Variants in SPRR2G observed in about 807,000 individuals in gnomAD.
The protein encoded by SPRR2G is small proline-rich protein 2G.
SPRR2G carries 1 observed loss-of-function variant against 0.7 expected under a neutral mutation model. The observed-to-expected ratio is 1.49, with a 90% confidence interval of 0.53 to 7.06. The LOEUF is 7.06. Ranked by LOEUF, SPRR2G falls within the 30% of genes most tolerant of loss-of-function variation. The pLI, the probability that SPRR2G is intolerant of heterozygous loss-of-function variation, is 0.14. For missense variants in SPRR2G, 96 were observed against 88.5 expected (o/e 1.09, Z -0.34); for synonymous variants, 38 against 33.9 (o/e 1.12, Z -0.42).
the SPRR2G span, among the ~76,000 whole-genome samples, chr1:153,201,146 C>T: frequency 2.0e-5 from 3 of 152,200 alleles, no homozygotes; most frequent in Non-Finnish European, 2.9e-5. Flanking sequence ...TGTGTTTCGT[C>T]TCAGTAGTAG....
At chr1:153,170,722 C>A in the SPRR2G span, among the ~76,000 whole-genome samples, 1 of 152,126 alleles carries the variant, frequency 6.6e-6, no homozygotes, top group Non-Finnish European at 1.5e-5. Flanking sequence ...AGCTCAGGAT[C>A]CCACAGACCC....
chr1:153,188,645 C>A, the SPRR2G span, among the ~76,000 whole-genome samples: 4 of 152,308 alleles, frequency 2.6e-5, no homozygotes, highest in South Asian at 2.1e-4. Flanking sequence ...AAGATCACTT[C>A]GCTCCCTGGC....
chr1:153,171,306 C>G, the SPRR2G span, among the ~76,000 whole-genome samples: 1 of 152,054 alleles, frequency 6.6e-6, no homozygotes, highest in African/African-American at 2.4e-5. Context: ...CACTAAAACT[C>G]AAAAAGAGAG....
At chr1:153,194,160 T>A in the SPRR2G span, among the ~76,000 whole-genome samples, 3 of 152,156 alleles carry the variant, frequency 2.0e-5, no homozygotes, top group South Asian at 2.1e-4. Flanking sequence ...AATGTCAAAC[T>A]GACATGTATT....
chr1:153,156,092 TA>T, the SPRR2G span, among the ~76,000 whole-genome samples: 30 of 152,314 alleles, frequency 2.0e-4, no homozygotes, highest in African/African-American at 6.5e-4. Flanking sequence ...AAATAGTTGT[TA>T]AAAAAATAAT....
At chr1:153,189,366 T>C in the SPRR2G span, among the ~76,000 whole-genome samples, 1 of 152,044 alleles carries the variant, frequency 6.6e-6, no homozygotes, top group Admixed American at 6.5e-5. Flanking sequence ...TATAAATTCT[T>C]CTAAGTCAGA....
the SPRR2G span, among the ~76,000 whole-genome samples, chr1:153,156,567 A>G: frequency 6.6e-6 from 1 of 152,240 alleles, no homozygotes; most frequent in African/African-American, 2.4e-5. Flanking sequence ...TAAGAGCAGT[A>G]CATTTAAATA....
chr1:153,179,484 C>CATATA, the SPRR2G span, among the ~76,000 whole-genome samples: 1 of 152,054 alleles, frequency 6.6e-6, no homozygotes, highest in Non-Finnish European at 1.5e-5. Flanking sequence ...ATAACAATGT[C>CATATA]ACGCCTATCA....
At chr1:153,163,630 T>C in the SPRR2G span, among the ~76,000 whole-genome samples, 1 of 152,162 alleles carries the variant, frequency 6.6e-6, no homozygotes, top group East Asian at 1.9e-4. Flanking sequence ...TCAATCCTCT[T>C]AACCTTGGCA....
the SPRR2G span, among the ~76,000 whole-genome samples, chr1:153,181,770 A>G: frequency 2.0e-5 from 3 of 151,158 alleles, no homozygotes; most frequent in African/African-American, 7.3e-5. Context: ...TTTATGGCTG[A>G]GTGGTATTCC....
the SPRR2G span, among the ~76,000 whole-genome samples, chr1:153,194,120 T>C: frequency 6.6e-6 from 1 of 152,162 alleles, no homozygotes; most frequent in African/African-American, 2.4e-5. Flanking sequence ...ATTTTACTCT[T>C]TCTGATGTTC....
chr1:153,196,060 G>A, the SPRR2G span, among the ~76,000 whole-genome samples: 1 of 152,134 alleles, frequency 6.6e-6, no homozygotes, highest in Non-Finnish European at 1.5e-5. Context: ...TTATATTTTT[G>A]TGGTAAGAAT....
chr1:153,153,159 T>C (rs1325454311), upstream of SPRR2G, among the ~76,000 whole-genome samples: 2 of 152,166 alleles, frequency 1.3e-5, no homozygotes, highest in African/African-American at 2.4e-5. Context: ...ATCTAGGGAA[T>C]AGGAGTGGGG....
the SPRR2G span, among the ~76,000 whole-genome samples, chr1:153,182,002 T>A: frequency 6.6e-6 from 1 of 152,186 alleles, no homozygotes; most frequent in African/African-American, 2.4e-5. Flanking sequence ...CTCCATACTG[T>A]TACCCATAAT....
the SPRR2G span, among the ~76,000 whole-genome samples, chr1:153,157,369 GAACA>G: frequency 4.6e-5 from 7 of 152,108 alleles, no homozygotes; most frequent in Admixed American, 6.5e-5. Flanking sequence ...GTGATAAAAA[GAACA>G]AACAAAGTGT....
At chr1:153,202,482 C>T in the SPRR2G span, among the ~76,000 whole-genome samples, 19,066 of 152,192 alleles carry the variant, frequency 0.13, 1,591 homozygotes, top group Middle Eastern at 0.24. Flanking sequence ...CATCGTATTG[C>T]CTTCTAGTAC....
the SPRR2G span, among the ~76,000 whole-genome samples, chr1:153,167,502 G>T: frequency 7.9e-5 from 11 of 139,554 alleles, no homozygotes; most frequent in Non-Finnish European, 3.2e-5. Context: ...AAAAGAAAAA[G>T]AAATCTCTAA....
At chr1:153,162,946 C>T in the SPRR2G span, among the ~76,000 whole-genome samples, 1,973 of 152,248 alleles carry the variant, frequency 0.013, 46 homozygotes, top group African/African-American at 0.043. Context: ...AAATAAACAT[C>T]AGTTCTAATG....
the SPRR2G span, among the ~76,000 whole-genome samples, chr1:153,179,409 T>A: frequency 1.3e-5 from 2 of 152,170 alleles, no homozygotes; most frequent in Non-Finnish European, 2.9e-5. Context: ...TCAAGGAATT[T>A]GTGCTTTTCA....
Sources: gnomAD v4.1 joint callset for allele counts (sites outside exome capture counted in the v4.1 genomes callset) on GRCh38, gnomAD v4.1.1 for gene constraint, MANE v1.5 for transcripts, NCBI Gene and HGNC (gene_info 2026-07-23, HGNC 2026-07-21) for gene names.